Variants in CDH18 observed in about 807,000 individuals in gnomAD.
The protein encoded by CDH18 is cadherin 18.
CDH18 carries 31 observed loss-of-function variants against 67.9 expected under a neutral mutation model. The observed-to-expected ratio is 0.46, with a 90% CI of 0.34 to 0.62. The LOEUF is 0.62. Ranked by LOEUF, CDH18 falls within the 20% of genes least tolerant of loss-of-function variation. The pLI is 0.01. For synonymous variants in CDH18, 362 were observed against 347.2 expected (o/e 1.04, Z -0.48); for missense variants, 890 against 975.5 (o/e 0.91, Z 1.17).
intron 1 of CDH18, among the ~76,000 whole-genome samples, chr5:20,378,333 A>G (rs980529075): frequency 2.0e-5 from 3 of 151,898 alleles, no homozygotes; most frequent in African/African-American, 4.8e-5. Context: ...CACCACGCCC[A>G]GCTAATTTTT....
At chr5:20,495,181 A>C (rs972881641) in intron 1 of CDH18, among the ~76,000 whole-genome samples, 7 of 152,062 alleles carry the variant, frequency 4.6e-5, no homozygotes, top group Non-Finnish European at 1.0e-4. Context: ...AAAACCTCTG[A>C]CAGCTCATTC....
At chr5:19,851,203 A>C (rs1302303136) in intron 2 of CDH18, among the ~76,000 whole-genome samples, 1 of 151,882 alleles carries the variant, frequency 6.6e-6, no homozygotes, top group Non-Finnish European at 1.5e-5. Flanking sequence ...TCCTATAAAA[A>C]TAAAGGCTTT....
At chr5:19,480,772 A>T (rs1363687742) in intron 12 of CDH18, among the ~76,000 whole-genome samples, 1 of 151,770 alleles carries the variant, frequency 6.6e-6, no homozygotes, top group East Asian at 1.9e-4. Flanking sequence ...TATTTTTGAG[A>T]CAGAGTCTCA....
intron 3 of CDH18, among the ~76,000 whole-genome samples, chr5:19,807,007 C>T (rs1303139401): frequency 6.6e-6 from 1 of 152,186 alleles, no homozygotes; most frequent in Admixed American, 6.5e-5. Flanking sequence ...ACCTGTACAA[C>T]TTGTTACTGT....
At chr5:20,456,333 G>A (rs1257470702) in intron 1 of CDH18, among the ~76,000 whole-genome samples, 1 of 152,026 alleles carries the variant, frequency 6.6e-6, no homozygotes, top group Non-Finnish European at 1.5e-5. Flanking sequence ...TTATTTAGTG[G>A]AATTAACTTT....
At chr5:20,111,550 T>TC (rs1561799458) in intron 2 of CDH18, among the ~76,000 whole-genome samples, 4 of 134,360 alleles carry the variant, frequency 3.0e-5, no homozygotes, top group African/African-American at 1.1e-4. Context: ...TTCTTTCTTT[T>TC]TTTTTTTTTT....
At chr5:20,172,597 T>TA (rs909259712) in intron 2 of CDH18, among the ~76,000 whole-genome samples, 8 of 150,572 alleles carry the variant, frequency 5.3e-5, no homozygotes, top group African/African-American at 7.3e-5. Context: ...ACTGTTTATC[T>TA]AAAAAAAAAT....
intron 5 of CDH18, among the ~76,000 whole-genome samples, chr5:19,716,762 TATAA>T (rs137910122): frequency 0.01 from 1,537 of 152,208 alleles, 22 homozygotes; most frequent in African/African-American, 0.036. Context: ...GCTCTTTGTA[TATAA>T]ATAAAGATAG....
chr5:20,496,147 G>A (rs1347824161), intron 1 of CDH18, among the ~76,000 whole-genome samples: 3 of 152,072 alleles, frequency 2.0e-5, no homozygotes, highest in Admixed American at 6.6e-5. Context: ...CATATACTGA[G>A]AAAGTAATTT....
intron 1 of CDH18, among the ~76,000 whole-genome samples, chr5:20,548,051 TA>T (rs33928330): frequency 0.47 from 69,944 of 150,198 alleles, 16,376 homozygotes; most frequent in East Asian, 0.57. Flanking sequence ...GCTTTAAGAC[TA>T]AAAAAAAACA....
chr5:20,298,384 A>C (rs2149960467), intron 1 of CDH18, among the ~76,000 whole-genome samples: 1 of 152,298 alleles, frequency 6.6e-6, no homozygotes, highest in Non-Finnish European at 1.5e-5. Context: ...ACTGCTACTA[A>C]AATCGAGACC....
At chr5:19,950,908 C>T (rs1579760194) in intron 2 of CDH18, among the ~76,000 whole-genome samples, 1 of 152,136 alleles carries the variant, frequency 6.6e-6, no homozygotes, top group African/African-American at 2.4e-5. Context: ...TCTGCTAAAA[C>T]CTTATCAACA....
intron 2 of CDH18, among the ~76,000 whole-genome samples, chr5:19,925,440 T>C (rs538033057): frequency 3.0e-4 from 45 of 152,252 alleles, no homozygotes; most frequent in African/African-American, 1.0e-3. Context: ...CCGCAATTTA[T>C]TGGGGAGACG....
chr5:19,576,307 T>C (rs1490978303), intron 7 of CDH18, among the ~76,000 whole-genome samples: 1 of 151,926 alleles, frequency 6.6e-6, no homozygotes, highest in East Asian at 1.9e-4. Context: ...AATGAAGAGA[T>C]AATACATGAT....
At chr5:19,686,461 A>G (rs1472123908) in intron 5 of CDH18, among the ~76,000 whole-genome samples, 2 of 152,172 alleles carry the variant, frequency 1.3e-5, no homozygotes, top group Non-Finnish European at 2.9e-5. Flanking sequence ...GAAAGTTGGA[A>G]CACCAGATAT....
chr5:20,391,795 A>G (rs1372731645), intron 1 of CDH18, among the ~76,000 whole-genome samples: 5 of 152,064 alleles, frequency 3.3e-5, no homozygotes, highest in Non-Finnish European at 4.4e-5. Flanking sequence ...ACTTGAATTT[A>G]TAAATTTTCC....
At chr5:20,444,430 G>A (rs1320707409) in intron 1 of CDH18, among the ~76,000 whole-genome samples, 1 of 152,156 alleles carries the variant, frequency 6.6e-6, no homozygotes, top group African/African-American at 2.4e-5. Context: ...CAGCTACTTG[G>A]GAGGCTGATG....
chr5:19,528,640 T>C (rs1748121694), intron 9 of CDH18, among the ~76,000 whole-genome samples: 1 of 151,920 alleles, frequency 6.6e-6, no homozygotes, highest in Non-Finnish European at 1.5e-5. Flanking sequence ...ACCATTCTTG[T>C]AAAGATAACA....
intron 1 of CDH18, among the ~76,000 whole-genome samples, chr5:20,369,084 G>T (rs1050325955): frequency 2.7e-4 from 41 of 151,746 alleles, no homozygotes; most frequent in African/African-American, 9.7e-4. Flanking sequence ...GCCCTTGACT[G>T]CTATGGAAAC....
Sources: gnomAD v4.1 joint callset for allele counts (sites outside exome capture counted in the v4.1 genomes callset) on GRCh38, gnomAD v4.1.1 for gene constraint, MANE v1.5 for transcripts, NCBI Gene and HGNC (gene_info 2026-07-23, HGNC 2026-07-21) for gene names.